UGT3A1: variants seen among roughly 807,000 people sequenced by gnomAD.
UGT3A1 encodes UDP-glycosyltransferase 3A1.
A neutral mutation model predicts 37.6 loss-of-function variants in UGT3A1; 40 were observed. The ratio of observed to expected loss-of-function variants is 1.06; its 90% CI spans 0.83 to 1.38. UGT3A1 has a LOEUF of 1.38. Ranked by LOEUF, UGT3A1 falls within the 40% of genes most tolerant of loss-of-function variation. The pLI is 0.00. For missense variants in UGT3A1, 642 were observed against 634.2 expected, an observed-to-expected ratio of 1.01 and a Z score of -0.13; for synonymous variants, 256 against 232.3, an observed-to-expected ratio of 1.10 and a Z score of -0.93.
rs1170195520 is a variant in UGT3A1 at position 35,952,653 on chromosome 5, T to C, written c.*1549A>G. 6.6e-6 allele frequency: 1 copy of C among 152,192 alleles called. No homozygotes were observed. The highest frequency in any genetic ancestry group is 1.5e-5 in the Non-Finnish European group (1 of 68,028). The allele number at this position is 152,192 out of a possible 1,614,324, so 9.4% of individuals were successfully genotyped here. On this transcript the variant is annotated 3_prime_UTR_variant, in exon 7 of 7. Coordinates refer to ENST00000274278, the MANE Select transcript of UGT3A1 (RefSeq NM_152404.4). ...CATGAGGGGAATGAAATCATGGCTG[T>C]TGATTCAACAGAAAACACAGGGAAG... is the stretch of plus-strand genomic sequence containing the variant.
chr5:35,978,790 C>T (rs917426724), intron 2 of UGT3A1, among the ~76,000 whole-genome samples: 1 of 152,144 alleles, frequency 6.6e-6, no homozygotes, highest in African/African-American at 2.4e-5. Context: ...CTCAAAAGTC[C>T]ACAGTCCAAT....
At chr5:35,956,762 G>A (rs192735170) in intron 5 of UGT3A1, among the ~76,000 whole-genome samples, 1 of 152,298 alleles carries the variant, frequency 6.6e-6, no homozygotes, top group African/African-American at 2.4e-5. Context: ...GTATACGTGT[G>A]TTTGTGTAAT....
chr5:35,954,518 C>T (rs1561452645), intron 6 of UGT3A1, 40 bp from the exon 7 acceptor site: 18 of 1,600,756 alleles, frequency 1.1e-5, no homozygotes, highest in Non-Finnish European at 1.5e-5. Flanking sequence ...CTGACGTAGC[C>T]TCACAAGTCT....
chr5:35,967,516 G>A (rs1052808906), intron 3 of UGT3A1, among the ~76,000 whole-genome samples: 3 of 152,166 alleles, frequency 2.0e-5, no homozygotes, highest in Admixed American at 6.5e-5. Context: ...AAAGGTGAAG[G>A]TTCAAGGTGT....
At chr5:35,961,541 C>T (rs1580922512) in intron 4 of UGT3A1, 2 of 152,312 alleles carry the variant, frequency 1.3e-5, no homozygotes, top group South Asian at 4.1e-4. Flanking sequence ...AGAAATTAAA[C>T]CTTGTATAGA....
At chr5:35,985,092 A>AAAG (rs1554074577) in intron 2 of UGT3A1, among the ~76,000 whole-genome samples, 73 of 149,976 alleles carry the variant, frequency 4.9e-4, no homozygotes, top group African/African-American at 1.6e-3. Flanking sequence ...AAAAAAAAAA[A>AAAG]AAAGAAATTC....
chr5:35,958,407 A>G (rs562749543), intron 4 of UGT3A1, among the ~76,000 whole-genome samples: 5 of 152,148 alleles, frequency 3.3e-5, no homozygotes, highest in Non-Finnish European at 7.3e-5. Context: ...CCCTCATTCT[A>G]CTGGGTCATT....
chr5:35,991,081 C>T, intron 1 of UGT3A1, 66 bp downstream of exon 1: 4 of 1,614,008 alleles, frequency 2.5e-6, no homozygotes, highest in Non-Finnish European at 3.4e-6. Flanking sequence ...TCGCCGTTCG[C>T]TGGAGCCCTG....
chr5:35,978,300 G>A (rs1285722282), intron 2 of UGT3A1, among the ~76,000 whole-genome samples: 2 of 152,154 alleles, frequency 1.3e-5, no homozygotes, highest in Non-Finnish European at 2.9e-5. Flanking sequence ...CTCTCAAAGT[G>A]CGGGGATTAC....
At chr5:35,968,222 A>G (rs1739894575) in intron 2 of UGT3A1, 89 bp from the exon 3 acceptor site, 4 of 770,134 alleles carry the variant, frequency 5.2e-6, no homozygotes, top group South Asian at 2.1e-5. Flanking sequence ...TTATTCTATT[A>G]ATTTTACATT....
At chr5:35,978,105 C>T (rs910049937) in intron 2 of UGT3A1, among the ~76,000 whole-genome samples, 4 of 152,128 alleles carry the variant, frequency 2.6e-5, no homozygotes, top group African/African-American at 9.7e-5. Context: ...TGTGATTTGG[C>T]TCACTGCAAC....
At chr5:35,986,355 A>C (rs1740728693) in intron 2 of UGT3A1, among the ~76,000 whole-genome samples, 2 of 152,182 alleles carry the variant, frequency 1.3e-5, no homozygotes. Context: ...CAATATATCG[A>C]AGAGATAGCT....
chr5:35,992,053 A>C (rs1003896575), upstream of UGT3A1, among the ~76,000 whole-genome samples: 3 of 152,200 alleles, frequency 2.0e-5, no homozygotes, highest in African/African-American at 7.2e-5. Flanking sequence ...TACACCAGGT[A>C]TGGTCACCTT....
chr5:35,965,788 A>G lies in UGT3A1; in HGVS notation c.441T>C (p.Phe147=), dbSNP rs750930702. 1.9e-6 allele frequency: 3 copies of G among 1,614,114 alleles called. No homozygotes were observed. In the African/African-American group the frequency reaches 4.0e-5, roughly 22 times the overall value. The change falls in exon 4 of 7, where the codon TTT becomes TTC. Residue 147 remains phenylalanine, a synonymous_variant. Coordinates refer to ENST00000274278, the MANE Select transcript of UGT3A1 (RefSeq NM_152404.4). The part of the protein sequence containing the change: ...ENYDLVFVEA[F]DFCSFLIAEK... ...CAGCAATCAGGAAAGAACAGAAATC[A>G]AATGCTTCAACAAATACCAGATCAT...
Position 35,965,374 on chromosome 5 carries a change from G to C in UGT3A1, c.843+12C>G. 6.2e-7 allele frequency: 1 copy of C among 1,610,778 alleles called. No homozygotes were observed. The highest frequency in any genetic ancestry group is 8.5e-7 in the Non-Finnish European group (1 of 1,177,854). On this transcript the variant is annotated intron_variant, in intron 4 of 6. Coordinates refer to ENST00000274278, the MANE Select transcript of UGT3A1 (RefSeq NM_152404.4). Reference sequence around the variant, plus strand: ...ATGTGAATCCCAAACTGAATGCTGAGGGTTCACTTACTTGTGGTACTGGTT... The same window carrying C: ...ATGTGAATCCCAAACTGAATGCTGACGGTTCACTTACTTGTGGTACTGGTT...
At chr5:35,995,066 G>A (rs1741062692), upstream of UGT3A1, among the ~76,000 whole-genome samples, 1 of 152,138 alleles carries the variant, frequency 6.6e-6, no homozygotes, top group South Asian at 2.1e-4. Context: ...GTAGCAAAAG[G>A]GAGGAAGACT....
intron 2 of UGT3A1, among the ~76,000 whole-genome samples, chr5:35,978,981 C>T (rs879754798): frequency 1.3e-5 from 2 of 152,048 alleles, no homozygotes; most frequent in Admixed American, 6.6e-5. Context: ...TCCAACAGGG[C>T]GGTCAAATCT....
rs1000385676 is a variant in UGT3A1, at chr5:35,953,313, T to C, written c.*889A>G. The C allele has an allele frequency of 3.3e-5, 5 of 152,356 alleles. No homozygotes were observed. Among genetic ancestry groups the C allele is most frequent in the Non-Finnish European group, 5.9e-5 (4 of 68,036 alleles). The allele number at this position is 152,356 out of a possible 1,614,324, so 9.4% of individuals were successfully genotyped here. On this transcript the variant is annotated 3_prime_UTR_variant, in exon 7 of 7. Transcript: ENST00000274278. ...CTGAATGGGCTACCTTCGGGCTTTA[T>C]CAAGAAAGATGAAACAAATGAACAA...
intron 2 of UGT3A1, among the ~76,000 whole-genome samples, chr5:35,974,109 A>C (rs1740161244): frequency 6.6e-6 from 1 of 152,170 alleles, no homozygotes; most frequent in African/African-American, 2.4e-5. Flanking sequence ...AAAAGACCCC[A>C]CTACACTACC....
Sources: allele counts gnomAD v4.1 joint callset (sites outside exome capture counted in the v4.1 genomes callset), GRCh38; gene constraint gnomAD v4.1.1; transcripts MANE v1.5; gene names NCBI Gene and HGNC (gene_info 2026-07-23, HGNC 2026-07-21).